TMEM231: variants seen among roughly 807,000 people sequenced by gnomAD.
TMEM231 encodes the protein transmembrane protein 231.
In TMEM231, 40 loss-of-function variants were observed where a neutral mutation model predicts 38.5. The ratio of observed to expected loss-of-function variants is 1.04; its 90% confidence interval spans 0.81 to 1.35. The LOEUF (loss-of-function observed/expected upper bound fraction) is 1.35. TMEM231 is among the 40% of genes most tolerant of loss of function. TMEM231 has a pLI of 0.00. For missense variants in TMEM231, 420 were observed against 416.9 expected, an observed-to-expected ratio of 1.01 and a Z score of -0.07; for synonymous variants, 199 against 181.7, an observed-to-expected ratio of 1.10 and a Z score of -0.77.
chr16:75,548,270 A>G (rs2080716905), intron 2 of TMEM231, among the ~76,000 whole-genome samples: 1 of 152,262 alleles, frequency 6.6e-6, no homozygotes, highest in South Asian at 2.1e-4. Context: ...GAAAAACAGC[A>G]GCACCAGGCA....
Position 75,549,229 on chromosome 16 carries a change from A to G in TMEM231, c.310-3275T>C, listed in dbSNP as rs193231765. Reference sequence around the variant, plus strand: ...CTGAATAAATCAATTATTTAATTCCATTTAGTTGAAAGTAAGTTTAACATA... The same window carrying G: ...CTGAATAAATCAATTATTTAATTCCGTTTAGTTGAAAGTAAGTTTAACATA... On this transcript the variant is annotated intron_variant, in intron 2 of 6. Transcript: ENST00000258173. 6.6e-5 allele frequency among the ~76,000 whole-genome samples: 10 copies of G among 152,322 alleles called. No individual in the cohort carries two copies. The East Asian group carries it at 9.6e-4, about 15-fold the overall frequency.
intron 2 of TMEM231, 150 bp downstream of exon 2, chr16:75,555,654 G>A (rs1386308396): frequency 1.5e-5 from 11 of 731,250 alleles, no homozygotes; most frequent in Non-Finnish European, 1.9e-5. Context: ...TAGGTCCTAG[G>A]AGATGAAACG....
intron 2 of TMEM231, among the ~76,000 whole-genome samples, chr16:75,548,225 TC>T (rs1567437765): frequency 6.6e-6 from 1 of 152,176 alleles, no homozygotes; most frequent in East Asian, 1.9e-4. Context: ...TTTTAAAAAT[TC>T]CAAATGAAGA....
At chr16:75,552,575 C>T (rs1476443783) in intron 2 of TMEM231, among the ~76,000 whole-genome samples, 1 of 152,172 alleles carries the variant, frequency 6.6e-6, no homozygotes, top group Non-Finnish European at 1.5e-5. Context: ...TCAAACTTTC[C>T]CTTACTTGCT....
chr16:75,542,139 A>G (rs2738817), intron 5 of TMEM231: 45,357 of 174,740 alleles, frequency 0.26, 6,120 homozygotes, highest in Middle Eastern at 0.31. Context: ...TGTAAGGAAT[A>G]AGCACACTGT....
In TMEM231 at chr16:75,541,458, G is replaced by A. The variant is rs780063686; in HGVS notation, c.665-3C>T. The A allele has an allele frequency of 1.9e-6, 3 of 1,594,484 alleles. No homozygotes were observed. Among genetic ancestry groups the A allele is most frequent in the Admixed American group, 1.7e-5 (1 of 58,236 alleles). On this transcript the variant is annotated splice_region_variant and splice_polypyrimidine_tract_variant and intron_variant, in intron 5 of 6. Coordinates refer to ENST00000258173, the MANE Select transcript of TMEM231 (RefSeq NM_001077418.3). ...GGGATCATTCAGGACGGTGGTAACT[G>A]CAATGCAATCATTAACCATTAACCA...
chr16:75,549,011 C>T (rs975199269), intron 2 of TMEM231, among the ~76,000 whole-genome samples: 1 of 152,126 alleles, frequency 6.6e-6, no homozygotes, highest in African/African-American at 2.4e-5. Context: ...TAATCAGGTA[C>T]ATGTGCTCTG....
Position 75,546,830 on chromosome 16 carries a change from G to C in TMEM231, c.310-876C>G, listed in dbSNP as rs191620484. On this transcript the variant is annotated intron_variant, in intron 2 of 6. Coordinates refer to ENST00000258173, the MANE Select transcript of TMEM231 (RefSeq NM_001077418.3). Reference sequence around the variant, plus strand: ...GGATCTTATCTCATCATTCGTGTGAGGACCTGAAAGCCTTGTGCATCTTTT... The same window carrying C: ...GGATCTTATCTCATCATTCGTGTGACGACCTGAAAGCCTTGTGCATCTTTT... Among the ~76,000 whole-genome samples, 6 of 152,260 alleles carry C rather than the reference G, an allele frequency of 3.9e-5. No individual in the cohort carries two copies. In the East Asian group the frequency reaches 7.7e-4, roughly 20 times the overall value.
At chr16:75,543,199 T>C (rs989679463) in intron 4 of TMEM231, among the ~76,000 whole-genome samples, 2 of 151,738 alleles carry the variant, frequency 1.3e-5, no homozygotes. Flanking sequence ...TAGTCAATGA[T>C]GATCATGCCA....
intron 2 of TMEM231, among the ~76,000 whole-genome samples, chr16:75,551,996 T>G (rs1289966246): frequency 6.6e-6 from 1 of 150,920 alleles, no homozygotes; most frequent in Non-Finnish European, 1.5e-5. Flanking sequence ...AAGAAAAATA[T>G]AGGCAAAATA....
At chr16:75,550,311 C>T (rs1427832304) in intron 2 of TMEM231, among the ~76,000 whole-genome samples, 1 of 152,222 alleles carries the variant, frequency 6.6e-6, no homozygotes, top group East Asian at 1.9e-4. Context: ...CGTCCTGCTC[C>T]TTCCTGTTTG....
At position 75,545,973 on chromosome 16, in the gene TMEM231, C is replaced by A. The variant is rs757994818; in HGVS notation, c.310-19G>T. On this transcript the variant is annotated intron_variant, in intron 2 of 6. Coordinates refer to ENST00000258173, the MANE Select transcript of TMEM231 (RefSeq NM_001077418.3). The stretch of plus-strand genomic sequence containing the variant: ...CTCTAGTCTAGGAAACCCAAACAGG[C>A]CCAGCAGCCCTGGTCACTAATGAGT... 4.5e-6 allele frequency: 7 copies of A among 1,549,164 alleles called. No individual in the cohort carries two copies. Among genetic ancestry groups the A allele is most frequent in the Non-Finnish European group, 6.1e-6 (7 of 1,146,266 alleles).
intron 2 of TMEM231, among the ~76,000 whole-genome samples, chr16:75,547,912 A>C (rs1005729602): frequency 3.9e-5 from 6 of 152,268 alleles, no homozygotes; most frequent in African/African-American, 1.4e-4. Context: ...AGGGTTGGAC[A>C]GGAAGAAAAG....
In TMEM231 at chr16:75,556,172, C is replaced by T; in HGVS notation, c.38G>A (p.Arg13His). 6.5e-7 allele frequency: 1 copy of T among 1,536,036 alleles called. No homozygotes were observed. Among genetic ancestry groups the T allele is most frequent in the Non-Finnish European group, 8.7e-7 (1 of 1,145,088 alleles). The change falls in exon 1 of 7, where the codon CGC becomes CAC. Residue 13 changes from arginine to histidine, a missense_variant. Transcript: ENST00000258173. ...GGAGCAGAGCCCCGCGCGGTAACTG[C>T]GCTCGACCGGGTGAGAGAAGAGCTC... ...LYELFSHPVERSYRAGLCSKA... is the reference protein window; with the variant it reads ...LYELFSHPVEHSYRAGLCSKA...
At chr16:75,543,378 C>T (rs978700193) in intron 4 of TMEM231, among the ~76,000 whole-genome samples, 1 of 152,150 alleles carries the variant, frequency 6.6e-6, no homozygotes, top group African/African-American at 2.4e-5. Flanking sequence ...ACCAGTCTGG[C>T]CAACATGGTG....
Position 75,556,153 on chromosome 16 carries a change from G to C in TMEM231, c.57C>G (p.Leu19=). 3.8e-6 allele frequency: 6 copies of C among 1,564,368 alleles called. No individual in the cohort carries two copies. The highest frequency in any genetic ancestry group is 1.2e-5 in the South Asian group (1 of 84,286). The change falls in exon 1 of 7, where the codon CTC becomes CTG. Residue 19 remains leucine, a synonymous_variant. Coordinates refer to ENST00000258173, the MANE Select transcript of TMEM231 (RefSeq NM_001077418.3). ...HPVERSYRAG[L]CSKAALFLLL... ...GCAGGAACAGCGCGGCTTTGGAGCA[G>C]AGCCCCGCGCGGTAACTGCGCTCGA...
intron 2 of TMEM231, among the ~76,000 whole-genome samples, chr16:75,554,477 C>CA (rs921175805): frequency 6.3e-5 from 9 of 143,464 alleles, no homozygotes; most frequent in Non-Finnish European, 1.3e-4. Flanking sequence ...ACCCAGGAGG[C>CA]AGAGTTGCAG....
chr16:75,550,218 G>A (rs972726028), intron 2 of TMEM231, among the ~76,000 whole-genome samples: 1 of 152,210 alleles, frequency 6.6e-6, no homozygotes, highest in Non-Finnish European at 1.5e-5. Context: ...ACTTCAAGAA[G>A]GGACCGCGGC....
rs958325626 is a variant in TMEM231 at position 75,537,441 on chromosome 16, T to C, written c.*2553A>G. 1 of 151,960 alleles carries C rather than the reference T, an allele frequency of 6.6e-6. No individual in the cohort carries two copies. The highest frequency in any genetic ancestry group is 2.4e-5 in the African/African-American group (1 of 41,400). The allele number at this position is 151,960 out of a possible 1,614,324, so 9.4% of individuals were successfully genotyped here. On this transcript the variant is annotated 3_prime_UTR_variant, in exon 7 of 7. Coordinates refer to ENST00000258173, the MANE Select transcript of TMEM231 (RefSeq NM_001077418.3). ...AATATTCAGTAATAACATCAAACCT[T>C]AACTTAGCTATGGGTCGGAGCTGAG... is the stretch of plus-strand genomic sequence containing the variant.
Sources: allele counts gnomAD v4.1 joint callset (sites outside exome capture counted in the v4.1 genomes callset), GRCh38; gene constraint gnomAD v4.1.1; transcripts MANE v1.5; gene names NCBI Gene and HGNC (gene_info 2026-07-23, HGNC 2026-07-21).